SLC5A4: variants seen among roughly 807,000 people sequenced by gnomAD.
SLC5A4 encodes the protein solute carrier family 5 member 4.
Under a neutral mutation model 70.3 loss-of-function variants are expected in SLC5A4, and 55 were observed. The observed-to-expected ratio is 0.78, with a 90% CI of 0.63 to 0.98. The LOEUF (loss-of-function observed/expected upper bound fraction) is 0.98, where lower values mean the gene tolerates loss of function less well. Ranked by LOEUF, SLC5A4 falls within the 50% of genes least tolerant of loss-of-function variation. SLC5A4 has a pLI of 0.00. For missense variants in SLC5A4, 735 were observed against 839.2 expected (o/e 0.88, Z 1.53); for synonymous variants, 268 against 305.7 (o/e 0.88, Z 1.29).
chr22:32,248,609 C>G, intron 4 of SLC5A4, 134 bp downstream of exon 4: 4 of 684,030 alleles, frequency 5.8e-6, no homozygotes, highest in Non-Finnish European at 1.1e-5. Flanking sequence ...AGACTGAGCT[C>G]CCATCTCCTC....
intron 11 of SLC5A4, among the ~76,000 whole-genome samples, chr22:32,228,473 C>T (rs528561536): frequency 3.3e-5 from 5 of 151,544 alleles, no homozygotes; most frequent in Admixed American, 6.6e-5. Context: ...ACCCGGGAGG[C>T]GGCGGTTCCA....
chr22:32,292,839 T>G, the SLC5A4 span, among the ~76,000 whole-genome samples: 3 of 152,204 alleles, frequency 2.0e-5, no homozygotes, highest in Non-Finnish European at 4.4e-5. Flanking sequence ...ATTTTTCATC[T>G]GATTGTTTGA....
chr22:32,309,742 C>T, the SLC5A4 span, among the ~76,000 whole-genome samples: 25 of 152,230 alleles, frequency 1.6e-4, no homozygotes, highest in East Asian at 3.9e-3. Flanking sequence ...CAGCAAGGGC[C>T]GTGACCCCCT....
At chr22:32,234,340 C>G (rs547737652) in intron 8 of SLC5A4, among the ~76,000 whole-genome samples, 1 of 152,208 alleles carries the variant, frequency 6.6e-6, no homozygotes, top group South Asian at 2.1e-4. Context: ...CTCTGAAGGA[C>G]AAGAAATAGG....
the SLC5A4 span, among the ~76,000 whole-genome samples, chr22:32,307,523 G>GT: frequency 1.3e-5 from 2 of 152,224 alleles, no homozygotes; most frequent in African/African-American, 2.4e-5. Context: ...CGTTCGGCAA[G>GT]TGTCTGTTGA....
At chr22:32,328,628 C>G in the SLC5A4 span, among the ~76,000 whole-genome samples, 1 of 152,184 alleles carries the variant, frequency 6.6e-6, no homozygotes, top group Non-Finnish European at 1.5e-5. Context: ...TGACCATAGT[C>G]TCAGCCAATG....
chr22:32,247,609 T>G, intron 4 of SLC5A4, 94 bp from the exon 5 acceptor site: 1 of 799,188 alleles, frequency 1.3e-6, no homozygotes, highest in Middle Eastern at 2.9e-4. Flanking sequence ...TGAGTGAAAG[T>G]CCTGTGTGTG....
the SLC5A4 span, among the ~76,000 whole-genome samples, chr22:32,333,203 C>CCG: frequency 6.7e-6 from 1 of 149,002 alleles, no homozygotes; most frequent in African/African-American, 2.5e-5. Context: ...GGCACCCCCC[C>CCG]CCCAGAAGAC....
At chr22:32,237,940 AT>A (rs1854626227) in intron 6 of SLC5A4, among the ~76,000 whole-genome samples, 1 of 152,070 alleles carries the variant, frequency 6.6e-6, no homozygotes, top group Non-Finnish European at 1.5e-5. Context: ...TCATGCCCTT[AT>A]TGCTCCCTTA....
At chr22:32,318,406 G>A in the SLC5A4 span, among the ~76,000 whole-genome samples, 18 of 151,922 alleles carry the variant, frequency 1.2e-4, no homozygotes, top group African/African-American at 1.5e-4. Flanking sequence ...TATCCCAAAC[G>A]AAAATCCCAA....
chr22:32,329,564 T>TTGCGGGCTCTG, the SLC5A4 span, among the ~76,000 whole-genome samples: 2 of 143,698 alleles, frequency 1.4e-5, no homozygotes, highest in African/African-American at 2.6e-5. Flanking sequence ...CTCTGGTGTG[T>TTGCGGGCTCTG]GTGTTGCGGG....
chr22:32,332,882 T>C, the SLC5A4 span, among the ~76,000 whole-genome samples: 69,354 of 152,082 alleles, frequency 0.46, 16,365 homozygotes, highest in African/African-American at 0.6. Context: ...CGGCAGCCTC[T>C]GTCCGTAACT....
At chr22:32,285,876 A>G in the SLC5A4 span, among the ~76,000 whole-genome samples, 1 of 151,970 alleles carries the variant, frequency 6.6e-6, no homozygotes, top group Admixed American at 6.6e-5. Flanking sequence ...AGCTGGGACT[A>G]CAGGCGCCCG....
At chr22:32,228,619 T>C (rs962752690) in intron 11 of SLC5A4, among the ~76,000 whole-genome samples, 2 of 151,760 alleles carry the variant, frequency 1.3e-5, no homozygotes, top group Non-Finnish European at 2.9e-5. Flanking sequence ...TGGTATCGAT[T>C]TTTTTCCTCT....
chr22:32,272,898 C>G, the SLC5A4 span: 1 of 518,374 alleles, frequency 1.9e-6, no homozygotes, highest in Admixed American at 2.2e-5. Flanking sequence ...TGCTGCCACA[C>G]CACACAGGCC....
the SLC5A4 span, among the ~76,000 whole-genome samples, chr22:32,282,357 GTC>G: frequency 7.2e-5 from 11 of 152,176 alleles, no homozygotes; most frequent in African/African-American, 2.4e-4. Context: ...CTGCTGGCTA[GTC>G]TCTCTCTCCT....
In SLC5A4 at chr22:32,229,365, A is replaced by G. The variant is rs199753375; in HGVS notation, c.1130-21T>C. On this transcript the variant is annotated intron_variant, in intron 10 of 14. Coordinates refer to ENST00000266086, the MANE Select transcript of SLC5A4 (RefSeq NM_014227.3). ...CAGTCCTGGAGCCGGGAAAGGGTAC[A>G]AGCACTGGTTAGTGGCTGGACACTG... The G allele has an allele frequency of 1.7e-5, 28 of 1,612,524 alleles. No individual in the cohort carries two copies. The East Asian group carries it at 6.0e-4, about 35-fold the overall frequency.
the SLC5A4 span, among the ~76,000 whole-genome samples, chr22:32,311,886 G>A: frequency 6.6e-6 from 1 of 152,298 alleles, no homozygotes; most frequent in African/African-American, 2.4e-5. Context: ...ATCACGTCAT[G>A]TCCAGGGAGT....
chr22:32,247,565 G>A (rs963591124), intron 4 of SLC5A4, 50 bp from the exon 5 acceptor site: 10 of 1,179,004 alleles, frequency 8.5e-6, no homozygotes, highest in South Asian at 1.2e-5. Flanking sequence ...AGGGCCCTGT[G>A]CGTTCAGATT....
Sources: allele counts gnomAD v4.1 joint callset (sites outside exome capture counted in the v4.1 genomes callset), GRCh38; gene constraint gnomAD v4.1.1; transcripts MANE v1.5; gene names NCBI Gene and HGNC (gene_info 2026-07-23, HGNC 2026-07-21).